AMZ2: variants seen among roughly 807,000 people sequenced by gnomAD.
AMZ2 encodes the protein archaelysin family metallopeptidase 2, also known as archaemetzincin-2.
In AMZ2, 26 loss-of-function variants were observed where a neutral mutation model predicts 36.7. That is an observed-to-expected ratio of 0.71 (90% CI 0.52 to 0.98). AMZ2 has a LOEUF of 0.98. Among genes scored for constraint, AMZ2 ranks in the 50% least tolerant of loss-of-function variants. The probability of loss-of-function intolerance (pLI) is 0.00; values close to 1 mark genes in which losing one functional copy is unlikely to be tolerated. For synonymous variants in AMZ2, 144 were observed against 149.1 expected (o/e 0.97, Z 0.25); for missense variants, 394 against 430.5 (o/e 0.92, Z 0.75).
chr17:68,208,286 TG>T (rs201527412), intron 1 of AMZ2, among the ~76,000 whole-genome samples: 10,909 of 152,180 alleles, frequency 0.072, 620 homozygotes, highest in East Asian at 0.29. Flanking sequence ...CTGACTCTGG[TG>T]GGGGACTTGA....
intron 1 of AMZ2, among the ~76,000 whole-genome samples, chr17:68,238,478 A>G (rs2073835721): frequency 6.6e-6 from 1 of 152,206 alleles, no homozygotes; most frequent in Non-Finnish European, 1.5e-5. Context: ...TTCTTAAGGT[A>G]AAAACCAAAA....
upstream of AMZ2, chr17:68,247,770 G>C (rs573665198): frequency 3.0e-6 from 3 of 985,428 alleles, no homozygotes; most frequent in Middle Eastern, 5.2e-4. Flanking sequence ...TGTGGCTCTC[G>C]AGAACCGGGC....
At position 68,211,818 on chromosome 17, in the gene AMZ2, G is replaced by GTATATGTATATATGTATATGTATA. The variant is rs1471942244; in HGVS notation, c.-67+5581_-67+5582insATATGTATATATGTATATGTATAT. Among the ~76,000 whole-genome samples the GTATATGTATATATGTATATGTATA allele has an allele frequency of 1.7e-4, 20 of 119,592 alleles. 1 individual carries two copies. Among genetic ancestry groups the GTATATGTATATATGTATATGTATA allele is most frequent in the African/African-American group, 2.1e-4 (7 of 33,030 alleles). The allele number at this position is 119,592 out of a possible 152,430, so 78.5% of individuals were successfully genotyped here. A position where few individuals can be genotyped will look rare whatever the true frequency, so the allele number is the denominator to read the frequency against. On this transcript the variant is annotated intron_variant, in intron 1 of 7. Coordinates refer to the AMZ2 transcript ENST00000674770. ...TATATGTGTATATGTATATATGTAT[G>GTATATGTATATATGTATATGTATA]TGTATGTATATGTATATATGTACAT...
At chr17:68,246,195 C>CAAAAAAAAAAAAA (rs57477453), upstream of AMZ2, among the ~76,000 whole-genome samples, 13 of 83,822 alleles carry the variant, frequency 1.6e-4, no homozygotes, top group South Asian at 4.8e-4. Context: ...ACTAAAAATA[C>CAAAAAAAAAAAAA]AAAAAAAAAA....
intron 1 of AMZ2, among the ~76,000 whole-genome samples, chr17:68,218,026 A>G (rs1483739187): frequency 6.6e-6 from 1 of 152,036 alleles, no homozygotes; most frequent in Non-Finnish European, 1.5e-5. Context: ...GTTAGCCAGG[A>G]TGGTCTCGAT....
At chr17:68,237,156 T>C (rs1462479402) in intron 1 of AMZ2, among the ~76,000 whole-genome samples, 18 of 152,348 alleles carry the variant, frequency 1.2e-4, no homozygotes, top group Middle Eastern at 3.4e-3. Context: ...GCCATCCTTA[T>C]ACATGGATTC....
chr17:68,250,372 C>G lies in AMZ2; in HGVS notation c.185C>G (p.Ser62Cys), dbSNP rs781844239. 8 of 1,614,158 alleles carry G rather than the reference C, an allele frequency of 5.0e-6. No individual in the cohort carries two copies. In the South Asian group the frequency reaches 8.8e-5, roughly 18 times the overall value. The change falls in exon 2 of 7, where the codon TCC becomes TGC. Residue 62 changes from serine (S) to cysteine (C), a missense_variant. Physicochemically the swap from Ser to Cys is moderately radical, Grantham distance 112 (BLOSUM62 -1). Transcript: ENST00000359904. ...CATTCTCCATCAGATTGGATCACCT[C>G]CCACCCTGAGGCTCCCCAAGACTTT... ...TLHSPSDWITSHPEAPQDFEQ... is the reference protein window; with the variant it reads ...TLHSPSDWITCHPEAPQDFEQ...
At chr17:68,216,755 G>A (rs554655293) in intron 1 of AMZ2, among the ~76,000 whole-genome samples, 28 of 152,074 alleles carry the variant, frequency 1.8e-4, no homozygotes, top group Admixed American at 6.6e-4. Context: ...TTTAGGCCGG[G>A]CACGGTGGCT....
intron 1 of AMZ2, among the ~76,000 whole-genome samples, chr17:68,218,970 C>T (rs1555727917): frequency 6.6e-6 from 1 of 152,082 alleles, no homozygotes; most frequent in Non-Finnish European, 1.5e-5. Flanking sequence ...TATATGTAAC[C>T]CCCTACCTCA....
At chr17:68,207,256 T>C (rs1555724611) in intron 1 of AMZ2, 1 of 151,996 alleles carries the variant, frequency 6.6e-6, no homozygotes, top group African/African-American at 2.4e-5. Flanking sequence ...TAACCCCTCT[T>C]CTGTTTTCAC....
rs1400096672 is a variant in AMZ2 at position 68,256,880 on chromosome 17, G to C, written c.994G>C (p.Glu332Gln). 1.2e-6 allele frequency: 2 copies of C among 1,614,038 alleles called. No individual in the cohort carries two copies. The highest frequency in any genetic ancestry group is 1.7e-5 in the Admixed American group (1 of 60,000). Reference sequence around the variant, plus strand: ...TGGAGCAACTCCAGAACACAGTCACGAGGATAATGGGAATTTACCGAAACC... The same window carrying C: ...TGGAGCAACTCCAGAACACAGTCACCAGGATAATGGGAATTTACCGAAACC... The part of the protein sequence containing the change: ...TPGATPEHSH[E>Q]DNGNLPKPVE... Residue 332 changes from glutamate (E) to glutamine (Q), a missense_variant, in exon 7 of 7, where the codon GAG (glutamate) becomes CAG (glutamine). Coordinates refer to ENST00000359904, the MANE Select transcript of AMZ2 (RefSeq NM_016627.5).
At chr17:68,223,220 G>A (rs12952590) in intron 1 of AMZ2, among the ~76,000 whole-genome samples, 15,052 of 152,206 alleles carry the variant, frequency 0.099, 850 homozygotes, top group Non-Finnish European at 0.12. Context: ...AGGAGATCAT[G>A]CCCTCATTGG....
intron 1 of AMZ2, among the ~76,000 whole-genome samples, chr17:68,209,632 A>ATATATATATGTATATATAT: frequency 1.1e-5 from 1 of 90,700 alleles, no homozygotes; most frequent in East Asian, 4.1e-4. Flanking sequence ...ATATATATAT[A>ATATATATATGTATATATAT]TTTTTTTTTT....
At chr17:68,227,857 C>G (rs2073555187) in intron 1 of AMZ2, among the ~76,000 whole-genome samples, 1 of 152,144 alleles carries the variant, frequency 6.6e-6, no homozygotes, top group Non-Finnish European at 1.5e-5. Flanking sequence ...CAGAAAAGAA[C>G]TGTATTTAGG....
upstream of AMZ2, among the ~76,000 whole-genome samples, chr17:68,243,266 C>A (rs1384406990): frequency 1.3e-5 from 2 of 151,970 alleles, no homozygotes; most frequent in African/African-American, 4.8e-5. Context: ...TCCTAAGTAG[C>A]TGGAACTACA....
chr17:68,255,084 G>C (rs1475836897), intron 5 of AMZ2, among the ~76,000 whole-genome samples: 1 of 152,162 alleles, frequency 6.6e-6, no homozygotes, highest in Admixed American at 6.5e-5. Context: ...GAGAAATTCT[G>C]CTTTTACCTG....
chr17:68,216,332 C>G (rs1208446148), intron 1 of AMZ2, among the ~76,000 whole-genome samples: 1 of 152,086 alleles, frequency 6.6e-6, no homozygotes, highest in Non-Finnish European at 1.5e-5. Flanking sequence ...AGAGGTCTCA[C>G]TGTGTTGGCC....
chr17:68,213,765 A>G (rs1376314622), intron 1 of AMZ2, among the ~76,000 whole-genome samples: 2 of 151,480 alleles, frequency 1.3e-5, no homozygotes, highest in East Asian at 1.9e-4. Flanking sequence ...TGGACTTCCT[A>G]TTTTGGTCTT....
intron 1 of AMZ2, among the ~76,000 whole-genome samples, chr17:68,217,142 T>TATATGAAAC (rs1403846077): frequency 6.6e-6 from 1 of 152,016 alleles, no homozygotes; most frequent in East Asian, 1.9e-4. Context: ...TCAGTATCAA[T>TATATGAAAC]ATATGAAACA....
Sources: gnomAD v4.1 joint callset for allele counts (sites outside exome capture counted in the v4.1 genomes callset) on GRCh38, gnomAD v4.1.1 for gene constraint, MANE v1.5 for transcripts, NCBI Gene and HGNC (gene_info 2026-07-23, HGNC 2026-07-21) for gene names.